CRTC1: variants seen among roughly 807,000 people sequenced by gnomAD.
CRTC1 encodes CREB-regulated transcription coactivator 1.
Under a neutral mutation model 66.1 loss-of-function variants are expected in CRTC1, and 18 were observed. The observed-to-expected ratio is 0.27, with a 90% CI of 0.19 to 0.40. The LOEUF (loss-of-function observed/expected upper bound fraction) is 0.40, where lower values mean the gene tolerates loss of function less well. Ranked by LOEUF, CRTC1 falls within the 10% of genes least tolerant of loss-of-function variation. The pLI is 1.00. For missense variants in CRTC1, 669 were observed against 887.9 expected (o/e 0.75, Z 3.13); for synonymous variants, 416 against 398.8 (o/e 1.04, Z -0.51).
At chr19:18,705,943 C>T in intron 1 of CRTC1, among the ~76,000 whole-genome samples, 1 of 142,932 alleles carries the variant, frequency 7.0e-6, no homozygotes, top group African/African-American at 2.6e-5. Flanking sequence ...GTCCTGTGCC[C>T]TTTTCCTTTT....
Position 18,694,861 on chromosome 19 carries a change from G to A in CRTC1, c.126+11033G>A, listed in dbSNP as rs146776180. On this transcript the variant is annotated intron_variant, in intron 1 of 13. Transcript: ENST00000321949. Reference sequence around the variant, plus strand: ...GGGGGTGGTTAGCAAGGAGAGTGAGGTTGGCGGCAGTTCTCCCACTTTCAG... The same window carrying A: ...GGGGGTGGTTAGCAAGGAGAGTGAGATTGGCGGCAGTTCTCCCACTTTCAG... Among the ~76,000 whole-genome samples, 221 of 152,104 alleles carry A rather than the reference G, an allele frequency of 1.5e-3. 1 individual carries two copies. Among genetic ancestry groups the A allele is most frequent in the African/African-American group, 5.1e-3 (212 of 41,528 alleles).
intron 6 of CRTC1, among the ~76,000 whole-genome samples, chr19:18,754,630 A>G (rs143002597): frequency 1.3e-5 from 2 of 152,374 alleles, no homozygotes; most frequent in African/African-American, 4.8e-5. Context: ...AGCTTTTGCA[A>G]TAAACTAGAA....
At chr19:18,722,517 C>T (rs1485225863) in intron 1 of CRTC1, among the ~76,000 whole-genome samples, 2 of 152,204 alleles carry the variant, frequency 1.3e-5, no homozygotes, top group Non-Finnish European at 2.9e-5. Flanking sequence ...AAGACACAGG[C>T]ACACAGCGAG....
rs932188631 is a variant in CRTC1, at chr19:18,768,894, G to A, written c.1320+101G>A. ...GGGTTACCTGCTGCATGGGCCAGGG[G>A]TCAGAACCCCAGCGAACGCTGCCTG... On this transcript the variant is annotated intron_variant, in intron 10 of 13. Coordinates refer to ENST00000321949, the MANE Select transcript of CRTC1 (RefSeq NM_015321.3). The surrounding 1 kb of genome is among the most constrained non-coding windows in gnomAD (Gnocchi z 5.6). 2 of 1,421,372 alleles carry A rather than the reference G, an allele frequency of 1.4e-6. No homozygotes were observed. The highest frequency in any genetic ancestry group is 1.9e-6 in the Non-Finnish European group (2 of 1,073,746). The allele number at this position is 1,421,372 out of a possible 1,614,324, so 88.0% of individuals were successfully genotyped here. A position where few individuals can be genotyped will look rare whatever the true frequency, so the allele number is the denominator to read the frequency against.
Position 18,741,607 on chromosome 19 carries a change from A to G in CRTC1, c.127-1303A>G, listed in dbSNP as rs1280350459. Among the ~76,000 whole-genome samples the G allele has an allele frequency of 6.6e-6, 1 of 152,000 alleles. No individual in the cohort carries two copies. Among genetic ancestry groups the G allele is most frequent in the African/African-American group, 2.4e-5 (1 of 41,378 alleles). The stretch of plus-strand genomic sequence containing the variant: ...ACCCCCTCCCTCTGCCACAGCCCGG[A>G]GCTGGCCTGTTTCATCTGGTGTGAC... On this transcript the variant is annotated intron_variant, in intron 1 of 13. Transcript: ENST00000321949. The surrounding 1 kb of genome is among the most constrained non-coding windows in gnomAD (Gnocchi z 4.2).
At chr19:18,686,256 T>A (rs943855590) in intron 1 of CRTC1, among the ~76,000 whole-genome samples, 1 of 152,240 alleles carries the variant, frequency 6.6e-6, no homozygotes, top group Non-Finnish European at 1.5e-5. Context: ...ATCTCTGTAG[T>A]ATCATGGATC....
rs138536645 is a variant in CRTC1, at chr19:18,748,765, CAT to C, written c.444-1015_444-1014del. On this transcript the variant is annotated intron_variant, in intron 4 of 13. Coordinates refer to ENST00000321949, the MANE Select transcript of CRTC1 (RefSeq NM_015321.3). Reference sequence around the variant, plus strand: ...CACACACACCACACACATACACACACATGTTAGTAAACGGAAGAAAAGTAAGC... The same window carrying C: ...CACACACACCACACACATACACACACGTTAGTAAACGGAAGAAAAGTAAGC... Among the ~76,000 whole-genome samples, 718 of 149,930 alleles carry C rather than the reference CAT, an allele frequency of 4.8e-3. 7 individuals are homozygous for C. The highest frequency in any genetic ancestry group is 0.016 in the African/African-American group (658 of 40,976).
chr19:18,727,310 G>A (rs922791615), intron 1 of CRTC1, among the ~76,000 whole-genome samples: 2 of 151,766 alleles, frequency 1.3e-5, no homozygotes, highest in African/African-American at 2.4e-5. Flanking sequence ...GGTCAGGCAC[G>A]GTGGTTCACG....
intron 6 of CRTC1, among the ~76,000 whole-genome samples, chr19:18,754,689 C>T (rs1459138614): frequency 1.3e-5 from 2 of 152,358 alleles, no homozygotes; most frequent in East Asian, 3.9e-4. Context: ...AAATAGTCTT[C>T]AGTCCCTCGA....
At chr19:18,723,877 C>T (rs1257116191) in intron 1 of CRTC1, among the ~76,000 whole-genome samples, 1 of 152,146 alleles carries the variant, frequency 6.6e-6, no homozygotes, top group Non-Finnish European at 1.5e-5. Context: ...GTGTGGGGCA[C>T]ATTGCACACG....
intron 1 of CRTC1, among the ~76,000 whole-genome samples, chr19:18,708,185 A>T (rs1385009032): frequency 6.6e-6 from 1 of 152,098 alleles, no homozygotes; most frequent in African/African-American, 2.4e-5. Context: ...GCAGGGAAGG[A>T]GGAAGGAGAG....
chr19:18,726,210 G>C (rs2053748649), intron 1 of CRTC1, among the ~76,000 whole-genome samples: 1 of 152,240 alleles, frequency 6.6e-6, no homozygotes, highest in Admixed American at 6.5e-5. Flanking sequence ...TCAGGCACTC[G>C]GCGGACGCTG....
rs114769835 is a variant in CRTC1, at chr19:18,717,749, G to C, written c.127-25161G>C. ...TGCCGGGTGGGAGCAGAGCAGGGCC[G>C]CAGGGACATGGGAGGGCCTCTCGCA... On this transcript the variant is annotated intron_variant, in intron 1 of 13. Transcript: ENST00000321949. Among the ~76,000 whole-genome samples, 917 of 152,216 alleles carry C rather than the reference G, an allele frequency of 6.0e-3. 18 individuals carry two copies. The highest frequency in any genetic ancestry group is 0.021 in the African/African-American group (867 of 41,538).
intron 6 of CRTC1, among the ~76,000 whole-genome samples, chr19:18,757,928 G>A (rs1176221261): frequency 3.9e-5 from 6 of 152,130 alleles, no homozygotes; most frequent in Admixed American, 1.3e-4. Context: ...TGAGGCAGGA[G>A]AAAGGCGTGA....
intron 11 of CRTC1, among the ~76,000 whole-genome samples, chr19:18,772,839 C>G (rs997868512): frequency 3.3e-5 from 5 of 152,154 alleles, no homozygotes; most frequent in Non-Finnish European, 5.9e-5. Flanking sequence ...GGCAGCGTGT[C>G]TGGTCTCGTC....
At chr19:18,770,632 C>T (rs1381177359) in intron 10 of CRTC1, among the ~76,000 whole-genome samples, 4 of 151,790 alleles carry the variant, frequency 2.6e-5, no homozygotes, top group African/African-American at 9.7e-5. Context: ...TGTGCACCTG[C>T]ATGGGTGTGC....
chr19:18,728,952 A>G (rs2053824271), intron 1 of CRTC1, among the ~76,000 whole-genome samples: 1 of 148,378 alleles, frequency 6.7e-6, no homozygotes, highest in Non-Finnish European at 1.5e-5. Context: ...ACCTGGCATT[A>G]CAGGTGCCTG....
At chr19:18,726,337 A>G (rs2145652981) in intron 1 of CRTC1, among the ~76,000 whole-genome samples, 1 of 152,322 alleles carries the variant, frequency 6.6e-6, no homozygotes, top group South Asian at 2.1e-4. Context: ...ACAGCAGAGG[A>G]GGCCCAGGCC....
At position 18,768,468 on chromosome 19, in the gene CRTC1, G is replaced by A. The variant is rs752455640; in HGVS notation, c.1012-17G>A. ...ACAACCAGGGCCCGCCCTGCCTGAC[G>A]CTCTCCTCTCCTGCAGGCTGTAGCC... On this transcript the variant is annotated splice_polypyrimidine_tract_variant and intron_variant, in intron 9 of 13. Transcript: ENST00000321949. The surrounding 1 kb of genome is among the most constrained non-coding windows in gnomAD (Gnocchi z 5.6). 3.7e-6 allele frequency: 6 copies of A among 1,604,938 alleles called. No individual in the cohort carries two copies. Among genetic ancestry groups the A allele is most frequent in the East Asian group, 4.5e-5 (2 of 44,630 alleles).
Sources: gnomAD v4.1 joint callset for allele counts (sites outside exome capture counted in the v4.1 genomes callset) on GRCh38, gnomAD v4.1.1 for gene constraint, Gnocchi (gnomAD v3.1) non-coding constraint, MANE v1.5 for transcripts, NCBI Gene and HGNC (gene_info 2026-07-23, HGNC 2026-07-21) for gene names.